HNRNPC: variants seen among roughly 807,000 people sequenced by gnomAD.
HNRNPC encodes the protein heterogeneous nuclear ribonucleoprotein C.
HNRNPC carries 3 observed loss-of-function variants against 33.2 expected under a neutral mutation model. The ratio of observed to expected loss-of-function variants is 0.09; its 90% CI spans 0.04 to 0.23. The LOEUF is 0.23. Ranked by LOEUF, HNRNPC falls within the 10% of genes least tolerant of loss-of-function variation. HNRNPC has a pLI of 1.00. For synonymous variants in HNRNPC, 121 were observed against 126.7 expected, an observed-to-expected ratio of 0.96 and a Z score of 0.30; for missense variants, 143 against 366.7, an observed-to-expected ratio of 0.39 and a Z score of 4.98.
intron 1 of HNRNPC, chr14:21,264,430 A>T (rs1048179037): frequency 6.6e-5 from 10 of 152,166 alleles, no homozygotes; most frequent in Admixed American, 1.3e-4. Context: ...AGATGGAATT[A>T]AAAAAATACT....
Position 21,242,866 on chromosome 14 carries a change from C to A in HNRNPC, c.-36-8637G>T, listed in dbSNP as rs1332853980. ...AAGTTTGTGGGCAATCACAATACAA[C>A]TGGTTTGGACACCTCAAAAAATAAA... On this transcript the variant is annotated intron_variant, in intron 2 of 8. Transcript: ENST00000553300. Among the ~76,000 whole-genome samples the A allele has an allele frequency of 5.9e-5, 9 of 152,312 alleles. 1 individual carries two copies. The highest frequency in any genetic ancestry group is 6.8e-3 in the Middle Eastern group (2 of 294).
At chr14:21,214,765 A>C (rs1374634647) in intron 5 of HNRNPC, among the ~76,000 whole-genome samples, 1 of 152,192 alleles carries the variant, frequency 6.6e-6, no homozygotes, top group Non-Finnish European at 1.5e-5. Context: ...AATGATACAG[A>C]AACTATAAAA....
chr14:21,224,507 A>G (rs1033808858), intron 5 of HNRNPC, among the ~76,000 whole-genome samples: 1 of 152,124 alleles, frequency 6.6e-6, no homozygotes, highest in African/African-American at 2.4e-5. Flanking sequence ...TCAGCTTTTG[A>G]CTATTATTTT....
At chr14:21,242,000 T>TA (rs1049333123) in intron 2 of HNRNPC, among the ~76,000 whole-genome samples, 2 of 152,186 alleles carry the variant, frequency 1.3e-5, no homozygotes, top group Admixed American at 1.3e-4. Flanking sequence ...TACTACTAGG[T>TA]AGCCATCTTT....
intron 1 of HNRNPC, among the ~76,000 whole-genome samples, chr14:21,266,857 A>G (rs1879067362): frequency 6.6e-6 from 1 of 150,804 alleles, no homozygotes; most frequent in African/African-American, 2.4e-5. Context: ...TTGGGAGGCC[A>G]AGGCAGGAGG....
chr14:21,266,998 G>A (rs1033759421), intron 1 of HNRNPC, among the ~76,000 whole-genome samples: 1 of 150,336 alleles, frequency 6.7e-6, no homozygotes, highest in Non-Finnish European at 1.5e-5. Flanking sequence ...AGCCGAGGCA[G>A]GAGAATCGCT....
chr14:21,210,218 G>A lies in HNRNPC; in HGVS notation c.*1005C>T, dbSNP rs1162629141. ...TGTTTTTGAGCCTCTCCTATTTAAG[G>A]ACAAAACCATTTAGCACAAAACACA... On this transcript the variant is annotated 3_prime_UTR_variant, in exon 9 of 9. Coordinates refer to ENST00000553300, the MANE Select transcript of HNRNPC (RefSeq NM_004500.4). The A allele has an allele frequency of 2.0e-5, 3 of 152,074 alleles. No individual in the cohort carries two copies. The highest frequency in any genetic ancestry group is 7.2e-5 in the African/African-American group (3 of 41,390). The allele number at this position is 152,074 out of a possible 1,614,324, so 9.4% of individuals were successfully genotyped here.
chr14:21,249,222 C>T (rs540224014), intron 2 of HNRNPC, among the ~76,000 whole-genome samples: 2 of 151,906 alleles, frequency 1.3e-5, no homozygotes, highest in Non-Finnish European at 2.9e-5. Context: ...TCTGCAAAAC[C>T]CTAAGCAAAA....
At chr14:21,257,097 T>A (rs1353794229) in intron 2 of HNRNPC, among the ~76,000 whole-genome samples, 5 of 152,218 alleles carry the variant, frequency 3.3e-5, no homozygotes, top group African/African-American at 1.2e-4. Context: ...GGCATGAACA[T>A]CAGGAGCACA....
intron 6 of HNRNPC, among the ~76,000 whole-genome samples, chr14:21,212,680 T>C (rs1303911145): frequency 8.6e-5 from 13 of 151,890 alleles, no homozygotes; most frequent in Admixed American, 8.5e-4. Flanking sequence ...TTAGCTGGGA[T>C]TACATGCACG....
chr14:21,230,735 T>C (rs1449491728), intron 4 of HNRNPC: 16 of 508,480 alleles, frequency 3.1e-5, no homozygotes, highest in Non-Finnish European at 3.4e-6. Context: ...ATGCTATAAA[T>C]ATCAAACTAC....
chr14:21,213,094 A>C lies in HNRNPC; in HGVS notation c.389T>G (p.Val130Gly). The change falls in exon 6 of 9, where the codon GTA becomes GGA. Residue 130 changes from valine to glycine, a missense_variant. Val to Gly is a moderately radical substitution (Grantham distance 109, BLOSUM62 -3). This residue lies in a region of HNRNPC where 131 missense variants were observed against 253.0 expected (regional missense o/e 0.52). Coordinates refer to ENST00000553300, the MANE Select transcript of HNRNPC (RefSeq NM_004500.4). ...CCGAGCAATAGGAGGAGGAGGAGGT[A>C]CACGTGCTGGGTAACTGTACATCCT... is the stretch of plus-strand genomic sequence containing the variant. ...YDRMYSYPAR[V>G]PPPPPIARAV... The C allele has an allele frequency of 6.2e-7, 1 of 1,614,116 alleles. No homozygotes were observed. Among genetic ancestry groups the C allele is most frequent in the African/African-American group, 1.3e-5 (1 of 75,062 alleles).
At chr14:21,228,862 A>G (rs561885635) in intron 5 of HNRNPC, among the ~76,000 whole-genome samples, 12 of 151,708 alleles carry the variant, frequency 7.9e-5, no homozygotes, top group South Asian at 6.3e-4. Context: ...AGGCGAGTAG[A>G]TCACCTCAGT....
intron 6 of HNRNPC, among the ~76,000 whole-genome samples, chr14:21,212,208 G>T (rs1027060477): frequency 6.6e-6 from 1 of 151,996 alleles, no homozygotes; most frequent in Non-Finnish European, 1.5e-5. Flanking sequence ...TAAACTCCTG[G>T]CCTCATGAAA....
At chr14:21,231,452 G>C (rs1894105902) in intron 3 of HNRNPC, 2 of 454,560 alleles carry the variant, frequency 4.4e-6, no homozygotes, top group South Asian at 3.1e-5. Flanking sequence ...GACCTCCGAA[G>C]CTCAGGTGAT....
chr14:21,253,842 G>C (rs1479016652), intron 2 of HNRNPC, among the ~76,000 whole-genome samples: 1 of 152,146 alleles, frequency 6.6e-6, no homozygotes, highest in African/African-American at 2.4e-5. Context: ...AAGGCGGGCA[G>C]ATCACGAGGT....
chr14:21,261,825 G>T (rs1202588923), intron 2 of HNRNPC, among the ~76,000 whole-genome samples: 3 of 152,178 alleles, frequency 2.0e-5, no homozygotes, highest in Admixed American at 6.5e-5. Flanking sequence ...ACATTTTGCT[G>T]CAGTGAGTAA....
At chr14:21,224,681 T>C (rs904870678) in intron 5 of HNRNPC, among the ~76,000 whole-genome samples, 1 of 152,136 alleles carries the variant, frequency 6.6e-6, no homozygotes, top group Non-Finnish European at 1.5e-5. Context: ...ATACCATCTA[T>C]AGGACACAAT....
At chr14:21,217,436 T>G (rs1892309590) in intron 5 of HNRNPC, among the ~76,000 whole-genome samples, 1 of 152,206 alleles carries the variant, frequency 6.6e-6, no homozygotes, top group South Asian at 2.1e-4. Flanking sequence ...TGCTCACCAC[T>G]GGAGCTATAC....
Sources: allele counts gnomAD v4.1 joint callset (sites outside exome capture counted in the v4.1 genomes callset), GRCh38; gene constraint gnomAD v4.1.1; regional missense constraint gnomAD v4.1.1; transcripts MANE v1.5; gene names NCBI Gene and HGNC (gene_info 2026-07-23, HGNC 2026-07-21).